The following KCNQ1 variants were observed in gnomAD, a reference collection of about 807,000 sequenced individuals.
KCNQ1 encodes the protein potassium voltage-gated channel subfamily KQT member 1.
KCNQ1 carries 49 observed loss-of-function variants against 72.4 expected under a neutral mutation model. The ratio of observed to expected loss-of-function variants is 0.68; its 90% CI spans 0.54 to 0.86. The LOEUF is 0.86. Ranked by LOEUF, KCNQ1 falls within the 40% of genes least tolerant of loss-of-function variation. The probability of loss-of-function intolerance (pLI) is 0.00; values close to 1 mark genes in which losing one functional copy is unlikely to be tolerated. For synonymous variants in KCNQ1, 450 were observed against 412.6 expected, an observed-to-expected ratio of 1.09 and a Z score of -1.10; for missense variants, 790 against 945.1, an observed-to-expected ratio of 0.84 and a Z score of 2.15.
intron 11 of KCNQ1, among the ~76,000 whole-genome samples, chr11:2,700,199 G>A (rs958428838): frequency 2.6e-5 from 4 of 152,196 alleles, no homozygotes; most frequent in Admixed American, 2.6e-4. Context: ...TTGGCCCAGC[G>A]GGTCCAGCGC....
In KCNQ1 at chr11:2,808,906, T is replaced by C. The variant is rs1847430717; in HGVS notation, c.1794+30869T>C. ...AACACATGGACAATGGGTGGGTAGA[T>C]GGGTGAATAGATGGGTGGACAGATG... On this transcript the variant is annotated intron_variant, in intron 15 of 15. Coordinates refer to ENST00000155840, the MANE Select transcript of KCNQ1 (RefSeq NM_000218.3). This position sits in a 1 kb window ranked among gnomAD's most constrained non-coding sequence, Gnocchi z 6.0. 6.6e-6 allele frequency among the ~76,000 whole-genome samples: 1 copy of C among 151,744 alleles called. No homozygotes were observed.
intron 11 of KCNQ1, among the ~76,000 whole-genome samples, chr11:2,742,297 C>A (rs1435575092): frequency 6.6e-6 from 1 of 152,178 alleles, no homozygotes; most frequent in Non-Finnish European, 1.5e-5. Context: ...GCAGGGGAAG[C>A]CCTGTGCCCC....
At position 2,493,474 on chromosome 11, in the gene KCNQ1, G is replaced by A. The variant is rs139319839; in HGVS notation, c.387-34454G>A. 2.3e-4 allele frequency among the ~76,000 whole-genome samples: 35 copies of A among 152,196 alleles called. No homozygotes were observed. Among genetic ancestry groups the A allele is most frequent in the African/African-American group, 7.9e-4 (33 of 41,530 alleles). On this transcript the variant is annotated intron_variant, in intron 1 of 15. Transcript: ENST00000155840. This position sits in a 1 kb window ranked among gnomAD's most constrained non-coding sequence, Gnocchi z 5.3. ...GCCTGGGTATTCTTCTAGGGTTTCC[G>A]TGGTTTTAGGTTTTACATTTAAGTC... is the stretch of plus-strand genomic sequence containing the variant.
In KCNQ1 at chr11:2,746,546, C is replaced by G. The variant is rs1846140939; in HGVS notation, c.1515-22298C>G. ...GTGACCTGGACGGTTCAGAGGAGGA[C>G]AGGTCAGGTGTTTGTAGGGTGTCCC... On this transcript the variant is annotated intron_variant, in intron 11 of 15. Coordinates refer to ENST00000155840, the MANE Select transcript of KCNQ1 (RefSeq NM_000218.3). This position sits in a 1 kb window ranked among gnomAD's most constrained non-coding sequence, Gnocchi z 5.9. Among the ~76,000 whole-genome samples the G allele has an allele frequency of 6.6e-6, 1 of 152,310 alleles. No homozygotes were observed. The highest frequency in any genetic ancestry group is 2.1e-4 in the South Asian group (1 of 4,828).
intron 2 of KCNQ1, among the ~76,000 whole-genome samples, chr11:2,546,816 C>T (rs889522548): frequency 2.6e-5 from 4 of 152,226 alleles, no homozygotes; most frequent in African/African-American, 9.6e-5. Context: ...GTTATGTCCT[C>T]TTGAGAAGTC....
rs7927323 is a variant in KCNQ1 at position 2,761,861 on chromosome 11, G to A, written c.1515-6983G>A. On this transcript the variant is annotated intron_variant, in intron 11 of 15. Transcript: ENST00000155840. ...CCGGCTGTTTGCCTGTGAAGGCTCC[G>A]GCTGTGTTCTAGGGAGTTGGCAGGA... 7.5e-3 allele frequency among the ~76,000 whole-genome samples: 1,140 copies of A among 152,374 alleles called. 11 individuals are homozygous for A. The highest frequency in any genetic ancestry group is 0.026 in the African/African-American group (1,088 of 41,590).
rs1391743598 is a variant in KCNQ1 at position 2,713,913 on chromosome 11, G to A, written c.1514+51832G>A. 6.6e-6 allele frequency among the ~76,000 whole-genome samples: 1 copy of A among 152,266 alleles called. No individual in the cohort carries two copies. Among genetic ancestry groups the A allele is most frequent in the African/African-American group, 2.4e-5 (1 of 41,482 alleles). On this transcript the variant is annotated intron_variant, in intron 11 of 15. Coordinates refer to ENST00000155840, the MANE Select transcript of KCNQ1 (RefSeq NM_000218.3). This position sits in a 1 kb window ranked among gnomAD's most constrained non-coding sequence, Gnocchi z 5.6. ...TGCAGACACGATGGCCCAGCACGCC[G>A]CTCACTGCCGCGCCTTTGTTCTCTG...
intron 10 of KCNQ1, chr11:2,615,108 A>G (rs1849040349): frequency 7.5e-6 from 3 of 398,050 alleles, no homozygotes; most frequent in Admixed American, 8.8e-5. Context: ...GAAGTCTTTC[A>G]CCTTCTTGTT....
chr11:2,793,389 A>AT (rs1847070237), intron 15 of KCNQ1, among the ~76,000 whole-genome samples: 1 of 109,518 alleles, frequency 9.1e-6, no homozygotes, highest in Non-Finnish European at 1.9e-5. Flanking sequence ...GGAGGCCAAG[A>AT]CGGGGGGATG....
chr11:2,678,720 G>A lies in KCNQ1; in HGVS notation c.1514+16639G>A. ...AAACACTCTTAAGATTTAAACACAG[G>A]ATTAGCTCTTGAGTTAGACAGGAAG... On this transcript the variant is annotated intron_variant, in intron 11 of 15. Transcript: ENST00000155840. The surrounding 1 kb of genome is among the most constrained non-coding windows in gnomAD (Gnocchi z 4.9). 1 of 398,600 alleles carries A rather than the reference G, an allele frequency of 2.5e-6. No homozygotes were observed. The highest frequency in any genetic ancestry group is 4.4e-6 in the Non-Finnish European group (1 of 226,076). 24.7% of individuals were successfully genotyped at this position (398,600 alleles called of 1,614,324 possible).
rs184844767 is a variant in KCNQ1, at chr11:2,847,910, C to A, written c.1938C>A (p.Gly646=). Residue 646 remains glycine (G), a synonymous_variant, in exon 16 of 16, where the codon GGC becomes GGA. Transcript: ENST00000155840. ...TCACCCAGCCCTGCGGCAGTGGCGG[C>A]TCCGTCGACCCTGAGCTCTTCCTGC... The part of the protein sequence containing the change: ...AHITQPCGSG[G]SVDPELFLPS... 8.9e-6 allele frequency: 14 copies of A among 1,577,134 alleles called. No individual in the cohort carries two copies. The highest frequency in any genetic ancestry group is 1.2e-5 in the Non-Finnish European group (14 of 1,161,592).
In KCNQ1 at chr11:2,674,832, T is replaced by TAAAAAAA. The variant is rs34219164; in HGVS notation, c.1514+12773_1514+12779dup. ...GCTTGTCACCCTAATAGCTGTTTTT[T>TAAAAAAA]AAAAAAAAAAAAAAAAAAAAAAAAA... On this transcript the variant is annotated intron_variant, in intron 11 of 15. Transcript: ENST00000155840. The surrounding 1 kb of genome is among the most constrained non-coding windows in gnomAD (Gnocchi z 5.9). 1.2e-5 allele frequency: 3 copies of TAAAAAAA among 243,764 alleles called. No homozygotes were observed. The highest frequency in any genetic ancestry group is 3.8e-5 in the African/African-American group (1 of 26,030). 15.1% of individuals were successfully genotyped at this position (243,764 alleles called of 1,614,324 possible).
rs540740408 is a variant in KCNQ1, at chr11:2,624,017, A to C, written c.1393+35163A>C. 1 of 399,154 alleles carries C rather than the reference A, an allele frequency of 2.5e-6. No individual in the cohort carries two copies. The highest frequency in any genetic ancestry group is 4.4e-6 in the Non-Finnish European group (1 of 226,484). The allele number at this position is 399,154 out of a possible 1,614,324, so 24.7% of individuals were successfully genotyped here. ...TGGTATATGTCAAAGTGGCTGTACC[A>C]TTTTGCATTCCCACCAGCAATGGAT... On this transcript the variant is annotated intron_variant, in intron 10 of 15. Coordinates refer to ENST00000155840, the MANE Select transcript of KCNQ1 (RefSeq NM_000218.3). This position sits in a 1 kb window ranked among gnomAD's most constrained non-coding sequence, Gnocchi z 4.9.
At position 2,479,199 on chromosome 11, in the gene KCNQ1, T is replaced by A. The variant is rs1846618266; in HGVS notation, c.386+33715T>A. On this transcript the variant is annotated intron_variant, in intron 1 of 15. Coordinates refer to ENST00000155840, the MANE Select transcript of KCNQ1 (RefSeq NM_000218.3). The surrounding 1 kb of genome is among the most constrained non-coding windows in gnomAD (Gnocchi z 4.6). ...CCAGGCACATGGTGCAAGCTGTTGA[T>A]GGATCTATCATTCTGGGATCTGGAG... Among the ~76,000 whole-genome samples the A allele has an allele frequency of 1.3e-5, 2 of 152,218 alleles. No individual in the cohort carries two copies. The highest frequency in any genetic ancestry group is 4.1e-4 in the South Asian group (2 of 4,832).
At chr11:2,604,273 T>A (rs542316441) in intron 10 of KCNQ1, among the ~76,000 whole-genome samples, 7 of 150,794 alleles carry the variant, frequency 4.6e-5, no homozygotes, top group Admixed American at 2.6e-4. Context: ...AGGTCAGGAG[T>A]TCGAGACCAG....
chr11:2,648,461 A>G (rs888171328), intron 10 of KCNQ1: 2 of 398,332 alleles, frequency 5.0e-6, no homozygotes, highest in Admixed American at 8.8e-5. Context: ...ACATTTTTGT[A>G]TGCTGTGTTT....
intron 10 of KCNQ1, chr11:2,609,569 GTTTCCTTATTGATCTTC>G (rs71029150): frequency 0.18 from 72,458 of 398,170 alleles, 6,851 homozygotes; most frequent in South Asian, 0.26. Context: ...CATATCTTCT[GTTTCCTTATTGATCTTC>G]TTTCTTGTAC....
In KCNQ1 at chr11:2,787,130, C is replaced by T. The variant is rs893621417; in HGVS notation, c.1794+9093C>T. Among the ~76,000 whole-genome samples the T allele has an allele frequency of 1.3e-5, 2 of 152,114 alleles. No homozygotes were observed. Among genetic ancestry groups the T allele is most frequent in the Admixed American group, 1.3e-4 (2 of 15,280 alleles). On this transcript the variant is annotated intron_variant, in intron 15 of 15. Coordinates refer to ENST00000155840, the MANE Select transcript of KCNQ1 (RefSeq NM_000218.3). The surrounding 1 kb of genome is among the most constrained non-coding windows in gnomAD (Gnocchi z 6.3). Reference sequence around the variant, plus strand: ...TCTAGGCTCAAAGTTTTCTAGGCCACTTAGGTAGTATGAATTCAAGCCTCC... The same window carrying T: ...TCTAGGCTCAAAGTTTTCTAGGCCATTTAGGTAGTATGAATTCAAGCCTCC...
At chr11:2,639,485 C>G (rs984400536) in intron 10 of KCNQ1, 16 of 152,212 alleles carry the variant, frequency 1.1e-4, no homozygotes, top group Admixed American at 2.6e-4. Context: ...CACTCCAGAC[C>G]CTGTTTGCCT....
Sources: gnomAD v4.1 joint callset for allele counts (sites outside exome capture counted in the v4.1 genomes callset) on GRCh38, gnomAD v4.1.1 for gene constraint, Gnocchi (gnomAD v3.1) non-coding constraint, MANE v1.5 for transcripts, NCBI Gene and HGNC (gene_info 2026-07-23, HGNC 2026-07-21) for gene names.